HELZ: variants seen among roughly 807,000 people sequenced by gnomAD.
HELZ encodes ATP-dependent RNA helicase with zinc finger domain.
A neutral mutation model predicts 218.2 loss-of-function variants in HELZ; 23 were observed. The observed-to-expected ratio is 0.11, with a 90% CI of 0.08 to 0.15. HELZ has a LOEUF of 0.15. HELZ is among the 10% of genes least tolerant of loss of function. The pLI, the probability that HELZ is intolerant of heterozygous loss-of-function variation, is 1.00. For synonymous variants in HELZ, 814 were observed against 829.4 expected (o/e 0.98, Z 0.32); for missense variants, 1,813 against 2,353.7 (o/e 0.77, Z 4.75).
chr17:67,127,264 C>G (rs142437266), intron 24 of HELZ, among the ~76,000 whole-genome samples: 10 of 152,272 alleles, frequency 6.6e-5, no homozygotes, highest in African/African-American at 1.9e-4. Context: ...TGCTACTGTG[C>G]TCCTTTAGCA....
At position 67,077,935 on chromosome 17, in the gene HELZ, T is replaced by G. The variant is rs2036063641; in HGVS notation, c.*317A>C. On this transcript the variant is annotated 3_prime_UTR_variant, in exon 33 of 33. Transcript: ENST00000358691. ...AAATACATTTTAGACAAACTTTTCT[T>G]TTTTTTTTTTTTTTTATAGTTGCAC... 1.4e-5 allele frequency: 2 copies of G among 145,822 alleles called. No individual in the cohort carries two copies. The highest frequency in any genetic ancestry group is 1.4e-4 in the Admixed American group (2 of 14,406). The allele number at this position is 145,822 out of a possible 1,614,324, so 9.0% of individuals were successfully genotyped here.
intron 13 of HELZ, among the ~76,000 whole-genome samples, chr17:67,171,735 C>T (rs1198751200): frequency 6.6e-6 from 1 of 152,166 alleles, no homozygotes; most frequent in East Asian, 1.9e-4. Flanking sequence ...TCCATTGCAA[C>T]TATAATAATC....
chr17:67,210,473 G>C (rs1255794554), intron 5 of HELZ, among the ~76,000 whole-genome samples: 1 of 152,110 alleles, frequency 6.6e-6, no homozygotes, highest in African/African-American at 2.4e-5. Flanking sequence ...AAAACTCTTA[G>C]CTAGGCTTTA....
intron 5 of HELZ, among the ~76,000 whole-genome samples, chr17:67,214,259 C>CTTT (rs777420102): frequency 0.013 from 1,100 of 87,644 alleles, 6 homozygotes; most frequent in Non-Finnish European, 0.016. Flanking sequence ...ATTAATATTT[C>CTTT]TTTTTTTTTT....
chr17:67,205,090 G>T (rs1390304245), intron 5 of HELZ, among the ~76,000 whole-genome samples: 1 of 152,134 alleles, frequency 6.6e-6, no homozygotes, highest in Non-Finnish European at 1.5e-5. Context: ...ATTTTGGGAG[G>T]CCGAGGCGGG....
chr17:67,241,241 A>T (rs866833404), intron 2 of HELZ, among the ~76,000 whole-genome samples: 3 of 152,366 alleles, frequency 2.0e-5, no homozygotes, highest in Middle Eastern at 3.4e-3. Context: ...AAATTTGCTT[A>T]TAATTTTTTA....
At chr17:67,080,571 T>A (rs1490770668) in intron 32 of HELZ, among the ~76,000 whole-genome samples, 3 of 152,202 alleles carry the variant, frequency 2.0e-5, no homozygotes, top group Admixed American at 2.0e-4. Flanking sequence ...TAAACTGCCT[T>A]CTCAATCCAA....
intron 26 of HELZ, 140 bp from the exon 27 acceptor site, chr17:67,120,752 A>G (rs2037585898): frequency 1.6e-6 from 1 of 638,506 alleles, no homozygotes; most frequent in Admixed American, 2.6e-5. Context: ...CTCAAAATAA[A>G]TAACTACAAA....
In HELZ at chr17:67,188,522, T is replaced by C. The variant is rs1471665078; in HGVS notation, c.959A>G (p.Gln320Arg). Reference sequence around the variant, plus strand: ...GTTTTCTGGGACTTCTTGTGATACCTGGGTAGTACTATCTCCGGCAGATAT... The same window carrying C: ...GTTTTCTGGGACTTCTTGTGATACCCGGGTAGTACTATCTCCGGCAGATAT... Reference protein sequence around the residue: ...IAISAGDSTTQVSQEVPENCQ... With the variant: ...IAISAGDSTTRVSQEVPENCQ... Residue 320 changes from glutamine (Q) to arginine (R), a missense_variant, in exon 12 of 33, where the codon CAG becomes CGG. Physicochemically the swap from Gln to Arg is conservative, Grantham distance 43. Transcript: ENST00000358691. The surrounding 1 kb of genome is among the most constrained non-coding windows in gnomAD (Gnocchi z 4.1). 1 of 1,613,860 alleles carries C rather than the reference T, an allele frequency of 6.2e-7. No homozygotes were observed. The highest frequency in any genetic ancestry group is 1.1e-5 in the South Asian group (1 of 91,078).
intron 21 of HELZ, among the ~76,000 whole-genome samples, chr17:67,141,962 T>C (rs2038340354): frequency 6.6e-6 from 1 of 151,886 alleles, no homozygotes; most frequent in South Asian, 2.1e-4. Flanking sequence ...GATAATCACT[T>C]GAACCTGGGA....
intron 17 of HELZ, among the ~76,000 whole-genome samples, chr17:67,154,601 T>C (rs951338331): frequency 2.2e-4 from 34 of 152,334 alleles, no homozygotes; most frequent in African/African-American, 8.2e-4. Context: ...TATTGATTTC[T>C]TAAATAAGAA....
In HELZ at chr17:67,109,204, G is replaced by T. The variant is rs565062049; in HGVS notation, c.4401C>A (p.Ala1467=). 186 of 1,614,160 alleles carry T rather than the reference G, an allele frequency of 1.2e-4. 1 individual carries two copies. The South Asian group carries it at 1.9e-3, about 16-fold the overall frequency. Residue 1467 remains alanine (A), a synonymous_variant, in exon 29 of 33, where the codon GCC becomes GCA. Coordinates refer to ENST00000358691, the MANE Select transcript of HELZ (RefSeq NM_014877.4). ...MLQEGHSPLR[A]IAQPGPILPS... ...GAAGAATGGGGCCGGGTTGTGCAAT[G>T]GCTCTCAGAGGACTGTGGCCTTCTT... is the stretch of plus-strand genomic sequence containing the variant.
chr17:67,163,537 T>C (rs2039050806), intron 15 of HELZ, among the ~76,000 whole-genome samples: 1 of 152,068 alleles, frequency 6.6e-6, no homozygotes. Flanking sequence ...TAGCTGGGAC[T>C]ACAGGTGCCC....
chr17:67,227,254 G>A (rs908546486), intron 3 of HELZ, among the ~76,000 whole-genome samples: 6 of 149,980 alleles, frequency 4.0e-5, no homozygotes, highest in African/African-American at 9.9e-5. Flanking sequence ...GTGCAGTGGC[G>A]TGACCTCAGC....
At chr17:67,157,679 G>T (rs1166045250) in intron 17 of HELZ, among the ~76,000 whole-genome samples, 3 of 152,128 alleles carry the variant, frequency 2.0e-5, no homozygotes, top group South Asian at 2.1e-4. Flanking sequence ...TTATAAGAGA[G>T]AGTCTGGTAA....
chr17:67,082,686 T>C (rs938249260), intron 32 of HELZ, among the ~76,000 whole-genome samples: 1 of 152,124 alleles, frequency 6.6e-6, no homozygotes, highest in East Asian at 1.9e-4. Flanking sequence ...TCAAGAACAA[T>C]TAGTTTAACA....
chr17:67,178,612 T>C (rs2039522303), intron 13 of HELZ, 47 bp downstream of exon 13: 1 of 1,497,498 alleles, frequency 6.7e-7, no homozygotes, highest in Non-Finnish European at 9.1e-7. Flanking sequence ...AGAAATACCA[T>C]CCAAAGGGGA....
rs992677009 is a variant in HELZ at position 67,072,040 on chromosome 17, A to G, written c.*6212T>C. On this transcript the variant is annotated 3_prime_UTR_variant, in exon 33 of 33. Transcript: ENST00000358691. Reference sequence around the variant, plus strand: ...AAAAAAAAAAAATAATAATAACCATAAAAACTAAAACATTTGCCAGGCGCA... The same window carrying G: ...AAAAAAAAAAAATAATAATAACCATGAAAACTAAAACATTTGCCAGGCGCA... 6 of 152,610 alleles carry G rather than the reference A, an allele frequency of 3.9e-5. No homozygotes were observed. The highest frequency in any genetic ancestry group is 1.4e-4 in the African/African-American group (6 of 41,426). 9.5% of individuals were successfully genotyped at this position (152,610 alleles called of 1,614,324 possible). A position where few individuals can be genotyped will look rare whatever the true frequency, so the allele number is the denominator to read the frequency against.
rs367643667 is a variant in HELZ, at chr17:67,146,441, A to C, written c.2622-551T>G. 2.6e-5 allele frequency among the ~76,000 whole-genome samples: 4 copies of C among 152,210 alleles called. No individual in the cohort carries two copies. In the South Asian group the frequency reaches 6.2e-4, roughly 24 times the overall value. On this transcript the variant is annotated intron_variant, in intron 20 of 32. Transcript: ENST00000358691. ...AGCCAACAGGCCATTTACACCATAT[A>C]ACCTGTATGTGTAGTAGGCTATGCC...
Sources: allele counts gnomAD v4.1 joint callset (sites outside exome capture counted in the v4.1 genomes callset), GRCh38; gene constraint gnomAD v4.1.1; non-coding constraint Gnocchi (gnomAD v3.1); transcripts MANE v1.5; gene names NCBI Gene and HGNC (gene_info 2026-07-23, HGNC 2026-07-21).